The following TMEM67 variants were observed in gnomAD, a reference collection of about 807,000 sequenced individuals.
TMEM67 encodes meckelin.
Under a neutral mutation model 136.6 loss-of-function variants are expected in TMEM67, and 124 were observed. The ratio of observed to expected loss-of-function variants is 0.91; its 90% CI spans 0.78 to 1.05. The LOEUF is 1.05. Ranked by LOEUF, TMEM67 falls within the 50% of genes least tolerant of loss-of-function variation. TMEM67 has a pLI of 0.00. For missense variants in TMEM67, 1,107 were observed against 1,178.4 expected (o/e 0.94, Z 0.89); for synonymous variants, 364 against 390.5 (o/e 0.93, Z 0.80).
intron 18 of TMEM67, 41 bp downstream of exon 18, chr8:93,796,028 C>A: frequency 8.2e-7 from 1 of 1,226,244 alleles, no homozygotes; most frequent in Non-Finnish European, 1.2e-6. Flanking sequence ...AAAAGGCCTG[C>A]TAATGAACTA....
intron 11 of TMEM67, among the ~76,000 whole-genome samples, chr8:93,783,952 G>A (rs373261120): frequency 3.1e-4 from 47 of 152,244 alleles, no homozygotes; most frequent in African/African-American, 1.1e-3. Context: ...AGATTTGGGT[G>A]GGGACACAGC....
At chr8:93,832,388 C>T in the TMEM67 span, among the ~76,000 whole-genome samples, 1 of 152,214 alleles carries the variant, frequency 6.6e-6, no homozygotes, top group African/African-American at 2.4e-5. Context: ...CATTGCAACT[C>T]CACCATCTCT....
rs747598603 is a variant in TMEM67 at position 93,755,780 on chromosome 8, A to G, written c.226A>G (p.Thr76Ala). ...TTTTTTTTTTTTTTTTTTTTTAGGAACTTCATGTGTATGTCTACCAGGATT... is the reference window on the plus strand; with the variant it reads ...TTTTTTTTTTTTTTTTTTTTTAGGAGCTTCATGTGTATGTCTACCAGGATT... ...GANQRQDARG[T>A]SCVCLPGFQM... The change falls in exon 2 of 28, where the codon ACT (threonine) becomes GCT (alanine). Residue 76 changes from threonine to alanine, a missense_variant and splice_region_variant. Thr to Ala is a moderately conservative substitution (Grantham distance 58). Coordinates refer to ENST00000453321, the MANE Select transcript of TMEM67 (RefSeq NM_153704.6). The G allele has an allele frequency of 8.0e-7, 1 of 1,246,728 alleles. No homozygotes were observed. Among genetic ancestry groups the G allele is most frequent in the South Asian group, 1.4e-5 (1 of 70,864 alleles). The allele number at this position is 1,246,728 out of a possible 1,614,324, so 77.2% of individuals were successfully genotyped here. A position where few individuals can be genotyped will look rare whatever the true frequency, so the allele number is the denominator to read the frequency against.
chr8:93,754,889 G>C (rs79833026), upstream of TMEM67: 5,398 of 1,607,400 alleles, frequency 3.4e-3, 153 homozygotes, highest in African/African-American at 0.061. Flanking sequence ...GGGGCTGGAG[G>C]CTGTGAGGCT....
At chr8:93,798,324 A>G (rs1814711895) in intron 20 of TMEM67, among the ~76,000 whole-genome samples, 1 of 152,210 alleles carries the variant, frequency 6.6e-6, no homozygotes, top group Non-Finnish European at 1.5e-5. Flanking sequence ...CCAGGTATCT[A>G]TATTTTGAAA....
At chr8:93,785,594 C>G (rs1210923082) in intron 12 of TMEM67, 4 of 518,022 alleles carry the variant, frequency 7.7e-6, no homozygotes, top group Non-Finnish European at 1.4e-5. Context: ...AGAAATTATA[C>G]TGTTGCTGAG....
At chr8:93,786,011 A>G (rs1814078894) in intron 12 of TMEM67, among the ~76,000 whole-genome samples, 1 of 152,160 alleles carries the variant, frequency 6.6e-6, no homozygotes, top group Non-Finnish European at 1.5e-5. Context: ...TTGAGAATGC[A>G]TGCAGTGAGC....
At chr8:93,762,804 T>C (rs1430520175) in intron 3 of TMEM67, 2 of 273,106 alleles carry the variant, frequency 7.3e-6, no homozygotes, top group African/African-American at 4.5e-5. Flanking sequence ...ATCTACACTA[T>C]ATAGCCACAG....
chr8:93,765,414 G>T lies in TMEM67; in HGVS notation c.515G>T (p.Arg172Leu), dbSNP rs750950408. 8 of 1,611,266 alleles carry T rather than the reference G, an allele frequency of 5.0e-6. No individual in the cohort carries two copies. In the South Asian group the frequency reaches 7.7e-5, roughly 16 times the overall value. Reference protein sequence around the residue: ...VVNALGDRCVRCEPTFVNTSR... With the variant: ...VVNALGDRCVLCEPTFVNTSR... ...TTTGTTATATTGAACAGGTGCGTCC[G>T]ATGTGAGCCAACATTTGTTAATACC... is the stretch of plus-strand genomic sequence containing the variant. The change falls in exon 5 of 28, where the codon CGA (arginine) becomes CTA (leucine). Residue 172 changes from arginine (R) to leucine (L), a missense_variant. Physicochemically the swap from Arg to Leu is moderately radical, Grantham distance 102. Around this residue, in one of 3 missense-constraint regions of TMEM67, gnomAD observed 925 missense variants for 1,002.4 expected, o/e 0.92. Coordinates refer to ENST00000453321, the MANE Select transcript of TMEM67 (RefSeq NM_153704.6).
intron 6 of TMEM67, chr8:93,769,493 T>A (rs1813239086): frequency 6.0e-6 from 1 of 167,142 alleles, no homozygotes; most frequent in South Asian, 2.1e-4. Flanking sequence ...CCACAGCAAT[T>A]GTGTGCTAAA....
At chr8:93,780,390 G>A (rs1175464826) in intron 7 of TMEM67, among the ~76,000 whole-genome samples, 1 of 152,082 alleles carries the variant, frequency 6.6e-6, no homozygotes, top group Non-Finnish European at 1.5e-5. Context: ...TGTCCAACCA[G>A]TCCCAATGAG....
At chr8:93,758,611 A>G (rs763993785) in intron 3 of TMEM67, 35 bp downstream of exon 3, 2 of 1,487,146 alleles carry the variant, frequency 1.3e-6, no homozygotes, top group Non-Finnish European at 1.9e-6. Context: ...AAGTAGTGAT[A>G]AATCTTCATT....
chr8:93,831,978 A>G, the TMEM67 span, among the ~76,000 whole-genome samples: 1 of 152,210 alleles, frequency 6.6e-6, no homozygotes, highest in African/African-American at 2.4e-5. Flanking sequence ...CAAGCTGGAC[A>G]TCAGGTCTTG....
In TMEM67 at chr8:93,763,959, G is replaced by T. The variant is rs116705535; in HGVS notation, c.506+18G>T. On this transcript the variant is annotated intron_variant, in intron 4 of 27. Transcript: ENST00000453321. ...GGAGACAGGTAAGCAGTGTGATGGG[G>T]GCTAACTTCATTAATATCATCTTAT... The T allele has an allele frequency of 1.1e-3, 1,561 of 1,445,568 alleles. 14 individuals are homozygous for T. The African/African-American group carries it at 0.019, about 18-fold the overall frequency. The allele number at this position is 1,445,568 out of a possible 1,614,324, so 89.5% of individuals were successfully genotyped here.
chr8:93,825,227 T>G, the TMEM67 span, among the ~76,000 whole-genome samples: 1 of 152,234 alleles, frequency 6.6e-6, no homozygotes, highest in Non-Finnish European at 1.5e-5. Context: ...TGACTGCTTC[T>G]GTGGTATGTC....
rs1814049168 is a variant in TMEM67 at position 93,785,398 on chromosome 8, C to T, written c.1288+20C>T. 2 of 1,607,488 alleles carry T rather than the reference C, an allele frequency of 1.2e-6. No homozygotes were observed. Among genetic ancestry groups the T allele is most frequent in the South Asian group, 2.2e-5 (2 of 90,784 alleles). ...ACCAAGGTAAGACATCCATACATAC[C>T]ACTCTTTTCCCTGAGCAGAAATCAA... On this transcript the variant is annotated intron_variant, in intron 12 of 27. Transcript: ENST00000453321.
chr8:93,785,562 T>G (rs935573937), intron 12 of TMEM67, among the ~76,000 whole-genome samples, 184 bp downstream of exon 12: 1 of 152,178 alleles, frequency 6.6e-6, no homozygotes, highest in Non-Finnish European at 1.5e-5. Context: ...TGTTGCTAAT[T>G]TTATTGCCAG....
chr8:93,808,497 A>ATATTTATATAT (rs1384028468), intron 23 of TMEM67, among the ~76,000 whole-genome samples: 3 of 144,354 alleles, frequency 2.1e-5, no homozygotes, highest in Non-Finnish European at 3.0e-5. Context: ...TAATAGATCT[A>ATATTTATATAT]TTATAGATGA....
intron 21 of TMEM67, among the ~76,000 whole-genome samples, chr8:93,803,340 G>A (rs1814949650): frequency 6.6e-6 from 1 of 152,070 alleles, no homozygotes; most frequent in Non-Finnish European, 1.5e-5. Context: ...TTCTTCCCAC[G>A]TGTTTGTCAT....
Sources: gnomAD v4.1 joint callset for allele counts (sites outside exome capture counted in the v4.1 genomes callset) on GRCh38, gnomAD v4.1.1 for gene constraint, gnomAD v4.1.1 regional missense constraint, MANE v1.5 for transcripts, NCBI Gene and HGNC (gene_info 2026-07-23, HGNC 2026-07-21) for gene names.